The following USP47 variants were observed in gnomAD, a reference collection of about 807,000 sequenced individuals.
USP47 encodes ubiquitin carboxyl-terminal hydrolase 47.
USP47 carries 35 observed loss-of-function variants against 165.1 expected under a neutral mutation model. That is an observed-to-expected ratio of 0.21 (90% confidence interval 0.16 to 0.28). The LOEUF is 0.28. Among genes scored for constraint, USP47 ranks in the 10% least tolerant of loss-of-function variants. The pLI is 1.00. For synonymous variants in USP47, 531 were observed against 544.5 expected (o/e 0.98, Z 0.35); for missense variants, 1,277 against 1,607.4 (o/e 0.79, Z 3.52).
chr11:11,945,922 G>A (rs1391852222), intron 20 of USP47, among the ~76,000 whole-genome samples: 3 of 149,544 alleles, frequency 2.0e-5, no homozygotes, highest in Non-Finnish European at 3.0e-5. Flanking sequence ...GCAACAGAGC[G>A]AGACCCTGTC....
At chr11:11,855,224 A>G (rs372730640) in intron 1 of USP47, among the ~76,000 whole-genome samples, 4 of 152,358 alleles carry the variant, frequency 2.6e-5, no homozygotes, top group Non-Finnish European at 2.9e-5. Context: ...GTGGTTGTCA[A>G]TTCACTAGAT....
rs780621094 is a variant in USP47 at position 11,950,016 on chromosome 11, T to G, written c.3464+12T>G. On this transcript the variant is annotated intron_variant, in intron 23 of 27. Coordinates refer to ENST00000527733, the MANE Select transcript of USP47 (RefSeq NM_001282659.2). Reference sequence around the variant, plus strand: ...CTCAGTATTGACAGGTAAAGTAAAATTAATGTCATCAGCGATTTGAAGAAA... The same window carrying G: ...CTCAGTATTGACAGGTAAAGTAAAAGTAATGTCATCAGCGATTTGAAGAAA... 18 of 1,568,794 alleles carry G rather than the reference T, an allele frequency of 1.1e-5. No homozygotes were observed. The highest frequency in any genetic ancestry group is 1.5e-5 in the Non-Finnish European group (17 of 1,142,610).
chr11:11,929,568 A>G lies in USP47; in HGVS notation c.1518+3A>G. 6.2e-7 allele frequency: 1 copy of G among 1,612,086 alleles called. No individual in the cohort carries two copies. Among genetic ancestry groups the G allele is most frequent in the South Asian group, 1.1e-5 (1 of 90,734 alleles). ...TCAATGATCAACATGTCAGCAGGGT[A>G]AGGAGGTGTCCTTTAAGATTATTAC... On this transcript the variant is annotated splice_donor_region_variant and intron_variant, in intron 12 of 27. Coordinates refer to ENST00000527733, the MANE Select transcript of USP47 (RefSeq NM_001282659.2).
intron 8 of USP47, among the ~76,000 whole-genome samples, chr11:11,912,252 A>G (rs1442114637): frequency 1.3e-5 from 2 of 152,034 alleles, no homozygotes; most frequent in Non-Finnish European, 2.9e-5. Flanking sequence ...AACATGAGAA[A>G]ACAGTAGAGG....
intron 20 of USP47, among the ~76,000 whole-genome samples, chr11:11,945,614 C>T (rs746907238): frequency 2.0e-5 from 3 of 151,188 alleles, no homozygotes; most frequent in East Asian, 1.9e-4. Flanking sequence ...GAAATTTCTC[C>T]GTACAATTTT....
chr11:11,890,548 G>T (rs944939971), intron 3 of USP47, among the ~76,000 whole-genome samples: 2 of 151,964 alleles, frequency 1.3e-5, no homozygotes, highest in African/African-American at 4.8e-5. Flanking sequence ...AACAAAAGAT[G>T]CTGGCAAGGT....
chr11:11,953,865 G>A (rs1204445170), intron 25 of USP47, among the ~76,000 whole-genome samples: 1 of 152,192 alleles, frequency 6.6e-6, no homozygotes, highest in Non-Finnish European at 1.5e-5. Context: ...TTTGATAAGT[G>A]TATAAATTGA....
chr11:11,903,813 A>T (rs1207919102), intron 7 of USP47, among the ~76,000 whole-genome samples: 1 of 152,174 alleles, frequency 6.6e-6, no homozygotes, highest in East Asian at 1.9e-4. Flanking sequence ...TAATGGAAAG[A>T]GGAGCAGGTT....
intron 1 of USP47, among the ~76,000 whole-genome samples, chr11:11,857,980 A>G (rs1849152618): frequency 6.6e-6 from 1 of 151,956 alleles, no homozygotes; most frequent in South Asian, 2.1e-4. Context: ...TTGTAGCTTC[A>G]CTTCAGCCTC....
chr11:11,861,197 C>T (rs1229006299), intron 1 of USP47, among the ~76,000 whole-genome samples: 3 of 152,120 alleles, frequency 2.0e-5, no homozygotes, highest in South Asian at 2.1e-4. Context: ...CAGATTCAAG[C>T]GATTCTCCTG....
Position 11,956,497 on chromosome 11 carries a change from T to G in USP47, c.*322T>G, listed in dbSNP as rs1856569448. The stretch of plus-strand genomic sequence containing the variant: ...AAACTTCTTTTATTGCGGACAAATG[T>G]GCACATAGCCGCTAGTAAAACTAGC... On this transcript the variant is annotated 3_prime_UTR_variant, in exon 28 of 28. Transcript: ENST00000527733. 1 of 201,662 alleles carries G rather than the reference T, an allele frequency of 5.0e-6. No homozygotes were observed. The highest frequency in any genetic ancestry group is 1.0e-5 in the Non-Finnish European group (1 of 99,544). The allele number at this position is 201,662 out of a possible 1,614,324, so 12.5% of individuals were successfully genotyped here.
At chr11:11,897,454 G>A in intron 4 of USP47, 143 bp from the exon 5 acceptor site, 1 of 590,418 alleles carries the variant, frequency 1.7e-6, no homozygotes, top group Non-Finnish European at 2.9e-6. Flanking sequence ...CTTTTCTTAG[G>A]TGCTGTTGAA....
At position 11,961,387 on chromosome 11, in the gene USP47, A is replaced by G. The variant is rs1204025588; in HGVS notation, c.*5212A>G. Among the ~76,000 whole-genome samples the G allele has an allele frequency of 6.6e-6, 1 of 152,208 alleles. No individual in the cohort carries two copies. The highest frequency in any genetic ancestry group is 1.5e-5 in the Non-Finnish European group (1 of 68,040). On this transcript the variant is annotated 3_prime_UTR_variant, in exon 28 of 28. Transcript: ENST00000527733. ...TGATCACATGGGTCCCCAGAAGTGG[A>G]GAACCTTTCCCACCTGTAGAAAGCC...
chr11:11,910,263 G>A (rs1160025588), intron 8 of USP47, among the ~76,000 whole-genome samples: 2 of 152,152 alleles, frequency 1.3e-5, no homozygotes, highest in African/African-American at 2.4e-5. Flanking sequence ...GGAATAACAC[G>A]GTGGTGAGTT....
intron 18 of USP47, among the ~76,000 whole-genome samples, chr11:11,940,224 C>T (rs1855371381): frequency 6.6e-6 from 1 of 151,948 alleles, no homozygotes; most frequent in African/African-American, 2.4e-5. Context: ...ATAAATGGTA[C>T]TTTGTTCTCC....
intron 18 of USP47, 27 bp from the exon 19 acceptor site, chr11:11,940,402 C>T (rs1270410977): frequency 6.4e-7 from 1 of 1,564,160 alleles, no homozygotes. Flanking sequence ...TGAAAGAGTA[C>T]TTTTTATTAA....
chr11:11,875,188 T>C (rs927649953), intron 1 of USP47, among the ~76,000 whole-genome samples: 3 of 152,136 alleles, frequency 2.0e-5, no homozygotes, highest in Non-Finnish European at 4.4e-5. Flanking sequence ...CTTCATAATT[T>C]TAAAATACTT....
chr11:11,897,814 TA>T, intron 5 of USP47, 121 bp downstream of exon 5: 1 of 636,790 alleles, frequency 1.6e-6, no homozygotes, highest in East Asian at 2.8e-5. Flanking sequence ...CCATAAGATA[TA>T]ACTTCTTTCC....
At chr11:11,940,395 A>G in intron 18 of USP47, 34 bp from the exon 19 acceptor site, 1 of 1,554,324 alleles carries the variant, frequency 6.4e-7, no homozygotes, top group Non-Finnish European at 8.7e-7. Context: ...TTATTTTTGA[A>G]AGAGTACTTT....
Sources: allele counts gnomAD v4.1 joint callset (sites outside exome capture counted in the v4.1 genomes callset), GRCh38; gene constraint gnomAD v4.1.1; transcripts MANE v1.5; gene names NCBI Gene and HGNC (gene_info 2026-07-23, HGNC 2026-07-21).